The following CYB5R4 variants were observed in gnomAD, a reference collection of about 807,000 sequenced individuals.
CYB5R4 encodes cytochrome b5 reductase 4.
In CYB5R4, 55 loss-of-function variants were observed where a neutral mutation model predicts 70.2. The ratio of observed to expected loss-of-function variants is 0.78; its 90% CI spans 0.63 to 0.98. CYB5R4 has a LOEUF of 0.98. Among genes scored for constraint, CYB5R4 ranks in the 50% least tolerant of loss-of-function variants. The probability of loss-of-function intolerance (pLI) is 0.00; values close to 1 mark genes in which losing one functional copy is unlikely to be tolerated. For missense variants in CYB5R4, 562 were observed against 612.6 expected (o/e 0.92, Z 0.87); for synonymous variants, 197 against 199.5 (o/e 0.99, Z 0.11).
chr6:83,901,538 A>G (rs1465180020), intron 3 of CYB5R4, among the ~76,000 whole-genome samples: 1 of 152,110 alleles, frequency 6.6e-6, no homozygotes, highest in Non-Finnish European at 1.5e-5. Context: ...TCTCCTGGAT[A>G]ATATCCTGCA....
rs1426428321 is a variant in CYB5R4 at position 83,964,033 on chromosome 6, C to G, written c.*4155C>G. ...TGCCATGATTCTGAGGCCTCCCCAG[C>G]CATGTGGAACTGTAAGTCCAATTAA... is the stretch of plus-strand genomic sequence containing the variant. On this transcript the variant is annotated 3_prime_UTR_variant, in exon 16 of 16. Coordinates refer to ENST00000369681, the MANE Select transcript of CYB5R4 (RefSeq NM_016230.4). The G allele has an allele frequency of 2.3e-5, 5 of 215,538 alleles. No individual in the cohort carries two copies. Among genetic ancestry groups the G allele is most frequent in the Non-Finnish European group, 4.5e-5 (5 of 111,844 alleles). The allele number at this position is 215,538 out of a possible 1,614,324, so 13.4% of individuals were successfully genotyped here. A position where few individuals can be genotyped will look rare whatever the true frequency, so the allele number is the denominator to read the frequency against.
chr6:83,863,590 G>A (rs560097324), intron 1 of CYB5R4, among the ~76,000 whole-genome samples: 11 of 152,212 alleles, frequency 7.2e-5, no homozygotes, highest in African/African-American at 2.4e-4. Flanking sequence ...GTCAGAGCCA[G>A]GACCAGAACC....
intron 3 of CYB5R4, among the ~76,000 whole-genome samples, chr6:83,898,445 G>C (rs1033378909): frequency 6.6e-6 from 1 of 151,788 alleles, no homozygotes; most frequent in African/African-American, 2.4e-5. Context: ...TTGGCAATGT[G>C]GGCTCTTTTT....
At chr6:83,893,306 G>T (rs1037106974) in intron 2 of CYB5R4, among the ~76,000 whole-genome samples, 5 of 152,146 alleles carry the variant, frequency 3.3e-5, no homozygotes, top group Non-Finnish European at 5.9e-5. Flanking sequence ...GGAGTCTCTT[G>T]TTATCTGCCA....
chr6:83,859,707 G>T lies in CYB5R4; in HGVS notation c.-76G>T. On this transcript the variant is annotated 5_prime_UTR_variant, in exon 1 of 16. Coordinates refer to ENST00000369681, the MANE Select transcript of CYB5R4 (RefSeq NM_016230.4). ...GGGTCGGGGGCTTGGCCTCTGCCCG[G>T]CCACAGAGCCGGAGCTGGAGGTGCT... The T allele has an allele frequency of 6.5e-7, 1 of 1,533,064 alleles. No individual in the cohort carries two copies. Among genetic ancestry groups the T allele is most frequent in the Non-Finnish European group, 8.9e-7 (1 of 1,118,742 alleles). The allele number at this position is 1,533,064 out of a possible 1,614,324, so 95.0% of individuals were successfully genotyped here. A position where few individuals can be genotyped will look rare whatever the true frequency, so the allele number is the denominator to read the frequency against.
chr6:83,928,621 T>C (rs556917553), intron 10 of CYB5R4, among the ~76,000 whole-genome samples: 45 of 152,156 alleles, frequency 3.0e-4, no homozygotes, highest in Non-Finnish European at 4.7e-4. Flanking sequence ...AAGTGGCATA[T>C]ATAGGAAAGT....
At chr6:83,870,135 ATGT>A (rs1398676945) in intron 2 of CYB5R4, among the ~76,000 whole-genome samples, 2 of 152,202 alleles carry the variant, frequency 1.3e-5, no homozygotes, top group South Asian at 2.1e-4. Context: ...GTTGACAAAC[ATGT>A]TGTCATTATA....
chr6:83,909,283 C>T (rs1588572839), intron 4 of CYB5R4, among the ~76,000 whole-genome samples, 193 bp downstream of exon 4: 1 of 152,040 alleles, frequency 6.6e-6, no homozygotes, highest in Non-Finnish European at 1.5e-5. Context: ...CTTAAAAGTT[C>T]GACTGTTGTT....
chr6:83,917,962 A>C, intron 5 of CYB5R4, 43 bp from the exon 6 acceptor site: 1 of 1,515,788 alleles, frequency 6.6e-7, no homozygotes, highest in Non-Finnish European at 9.1e-7. Flanking sequence ...CAAAAAGTTA[A>C]AAATACTTTG....
chr6:83,940,739 A>G, intron 14 of CYB5R4, 138 bp downstream of exon 14: 1 of 1,067,432 alleles, frequency 9.4e-7, no homozygotes, highest in Non-Finnish European at 1.3e-6. Context: ...TTCTCTAACT[A>G]GAAATCATGT....
At chr6:83,920,517 A>G (rs571498380) in intron 7 of CYB5R4, among the ~76,000 whole-genome samples, 5 of 152,254 alleles carry the variant, frequency 3.3e-5, no homozygotes, top group African/African-American at 1.2e-4. Flanking sequence ...GGAAAAGGAA[A>G]GGTTTCCATG....
At chr6:83,884,826 G>A (rs1318095428) in intron 2 of CYB5R4, among the ~76,000 whole-genome samples, 2 of 152,142 alleles carry the variant, frequency 1.3e-5, no homozygotes, top group African/African-American at 2.4e-5. Flanking sequence ...TGGTATATAC[G>A]TTATAGGCAT....
chr6:83,934,847 C>A, intron 11 of CYB5R4, 112 bp downstream of exon 11: 3 of 1,009,546 alleles, frequency 3.0e-6, no homozygotes, highest in Non-Finnish European at 4.2e-6. Flanking sequence ...TGTTTCCAGG[C>A]AGCTAGATTT....
In CYB5R4 at chr6:83,940,072, A is replaced by G. The variant is rs1403558907; in HGVS notation, c.1125A>G (p.Val375=). 17 of 1,590,704 alleles carry G rather than the reference A, an allele frequency of 1.1e-5. No individual in the cohort carries two copies. The highest frequency in any genetic ancestry group is 1.3e-5 in the Non-Finnish European group (15 of 1,168,826). Residue 375 remains valine (V), a synonymous_variant, in exon 13 of 16, where the codon GTA becomes GTG. Transcript: ENST00000369681. The part of the protein sequence containing the change: ...DRLQIGDFVS[V]SSPEGNFKIS... Reference sequence around the variant, plus strand: ...ATTGTTTAGGAGATTTTGTTTCTGTAAGCAGTCCTGAGGGCAATTTTAAAA... The same window carrying G: ...ATTGTTTAGGAGATTTTGTTTCTGTGAGCAGTCCTGAGGGCAATTTTAAAA...
intron 13 of CYB5R4, 32 bp downstream of exon 13, chr6:83,940,238 T>C (rs761898008): frequency 6.4e-7 from 1 of 1,569,622 alleles, no homozygotes; most frequent in Non-Finnish European, 8.7e-7. Flanking sequence ...TACGATCCTT[T>C]TTGAGGCTGT....
At position 83,924,576 on chromosome 6, in the gene CYB5R4, T is replaced by A. The variant is rs1394984934; in HGVS notation, c.798T>A (p.Ile266=). 1 of 1,613,326 alleles carries A rather than the reference T, an allele frequency of 6.2e-7. No homozygotes were observed. The highest frequency in any genetic ancestry group is 8.5e-7 in the Non-Finnish European group (1 of 1,179,664). ...CCCTGAAGAATCATAATTCACTTAT[T>A]CCAAGGAAAGATACAGGTATGCTGT... The part of the protein sequence containing the change: ...GHPLKNHNSL[I]PRKDTGLYYR... Residue 266 remains isoleucine, a synonymous_variant, in exon 10 of 16, where the codon ATT becomes ATA. Transcript: ENST00000369681.
chr6:83,940,263 G>T lies in CYB5R4; in HGVS notation c.1259+57G>T, dbSNP rs1470384208. 2.0e-6 allele frequency: 3 copies of T among 1,476,612 alleles called. No individual in the cohort carries two copies. The East Asian group carries it at 7.0e-5, about 35-fold the overall frequency. 91.5% of individuals were successfully genotyped at this position (1,476,612 alleles called of 1,614,324 possible). ...TTTGAGGCTGTTATATTAGTATAAGGTATTCTAAATTGATTACTCACTGGA... is the reference window on the plus strand; with the variant it reads ...TTTGAGGCTGTTATATTAGTATAAGTTATTCTAAATTGATTACTCACTGGA... On this transcript the variant is annotated intron_variant, in intron 13 of 15. Coordinates refer to ENST00000369681, the MANE Select transcript of CYB5R4 (RefSeq NM_016230.4).
chr6:83,962,202 AT>A lies in CYB5R4; in HGVS notation c.*2325del, dbSNP rs1210709857. 6.6e-6 allele frequency: 1 copy of A among 152,162 alleles called. No individual in the cohort carries two copies. Among genetic ancestry groups the A allele is most frequent in the Non-Finnish European group, 1.5e-5 (1 of 68,044 alleles). 9.4% of individuals were successfully genotyped at this position (152,162 alleles called of 1,614,324 possible). On this transcript the variant is annotated 3_prime_UTR_variant, in exon 16 of 16. Transcript: ENST00000369681. ...CCATACCAGCTAACCCTGTCCTATC[AT>A]CCCTCAGCTGGATTAGTACAGTAGC...
chr6:83,934,816 A>G (rs41271591), intron 11 of CYB5R4, 81 bp downstream of exon 11: 2 of 1,273,452 alleles, frequency 1.6e-6, no homozygotes, highest in South Asian at 1.6e-5. Flanking sequence ...CTAGAAAACA[A>G]CCATTTAAGT....
Sources: gnomAD v4.1 joint callset for allele counts (sites outside exome capture counted in the v4.1 genomes callset) on GRCh38, gnomAD v4.1.1 for gene constraint, MANE v1.5 for transcripts, NCBI Gene and HGNC (gene_info 2026-07-23, HGNC 2026-07-21) for gene names.